The following GPHN variants were observed in gnomAD, a reference collection of about 807,000 sequenced individuals.
GPHN encodes gephyrin.
Under a neutral mutation model 95.5 loss-of-function variants are expected in GPHN, and 17 were observed. That is an observed-to-expected ratio of 0.18 (90% CI 0.12 to 0.27). The LOEUF is 0.27. GPHN is among the 10% of genes least tolerant of loss of function. The pLI, the probability that GPHN is intolerant of heterozygous loss-of-function variation, is 1.00. For missense variants in GPHN, 660 were observed against 978.1 expected, an observed-to-expected ratio of 0.67 and a Z score of 4.34; for synonymous variants, 320 against 322.5, an observed-to-expected ratio of 0.99 and a Z score of 0.08.
chr14:67,549,215 T>C, the GPHN span, among the ~76,000 whole-genome samples: 4 of 152,104 alleles, frequency 2.6e-5, no homozygotes, highest in East Asian at 7.7e-4. Flanking sequence ...AGATGCCTTC[T>C]AGGGCTTTTA....
chr14:66,566,198 A>G (rs926718544), intron 1 of GPHN, among the ~76,000 whole-genome samples: 3 of 151,960 alleles, frequency 2.0e-5, no homozygotes, highest in Admixed American at 2.0e-4. Context: ...TGCCTTGGAG[A>G]ACCTTAAACT....
the GPHN span, chr14:67,412,066 G>T: frequency 6.5e-7 from 1 of 1,544,066 alleles, no homozygotes; most frequent in South Asian, 1.2e-5. Context: ...CCATGTCGCC[G>T]CCCGCACGCC....
intron 5 of GPHN, among the ~76,000 whole-genome samples, chr14:66,895,276 C>G (rs551438976): frequency 2.0e-5 from 3 of 152,274 alleles, no homozygotes; most frequent in South Asian, 4.1e-4. Flanking sequence ...CCAGACACCG[C>G]ATGTTCTCAC....
At chr14:67,712,493 C>CAAAAAAAAAAAAAAA in the GPHN span, among the ~76,000 whole-genome samples, 1 of 38,928 alleles carries the variant, frequency 2.6e-5, no homozygotes, top group Non-Finnish European at 7.5e-5. Flanking sequence ...AAAAAACTTG[C>CAAAAAAAAAAAAAAA]AAAAAAAAAA....
At chr14:67,029,334 T>G (rs1221063341) in intron 10 of GPHN, among the ~76,000 whole-genome samples, 2 of 151,214 alleles carry the variant, frequency 1.3e-5, no homozygotes, top group Non-Finnish European at 3.0e-5. Context: ...GGTATTATCA[T>G]TATTCTTTTT....
At chr14:66,870,090 A>G (rs1381115750) in intron 4 of GPHN, among the ~76,000 whole-genome samples, 1 of 152,236 alleles carries the variant, frequency 6.6e-6, no homozygotes, top group Non-Finnish European at 1.5e-5. Context: ...TTACTACACC[A>G]AACAGCTTAA....
the GPHN span, among the ~76,000 whole-genome samples, chr14:67,522,165 T>G: frequency 1.3e-5 from 2 of 152,014 alleles, no homozygotes; most frequent in Non-Finnish European, 2.9e-5. Flanking sequence ...GGAGTGAGAC[T>G]CCGTCTCAAA....
chr14:67,473,473 C>G, the GPHN span: 2 of 1,614,166 alleles, frequency 1.2e-6, no homozygotes, highest in Non-Finnish European at 8.5e-7. The surrounding 1 kb of genome is among the most constrained non-coding windows in gnomAD (Gnocchi z 6.5). Flanking sequence ...CTGGGCTCCC[C>G]GGGCTCAGCG....
At chr14:67,722,120 C>T in the GPHN span, among the ~76,000 whole-genome samples, 5 of 152,144 alleles carry the variant, frequency 3.3e-5, no homozygotes, top group African/African-American at 7.2e-5. Flanking sequence ...CCAGTCACTG[C>T]CCCCTCCTCC....
At chr14:67,579,746 C>T in the GPHN span, 74 of 1,612,676 alleles carry the variant, frequency 4.6e-5, no homozygotes, top group South Asian at 1.5e-4. Context: ...GGCTCTTCCA[C>T]GGTTGATGAG....
At chr14:67,298,419 G>T in the GPHN span, among the ~76,000 whole-genome samples, 56 of 151,742 alleles carry the variant, frequency 3.7e-4, no homozygotes, top group African/African-American at 1.3e-3. Context: ...GGAGTCTGAG[G>T]CAGGAGAATC....
intron 3 of GPHN, among the ~76,000 whole-genome samples, chr14:66,822,340 A>G (rs2061230370): frequency 6.6e-6 from 1 of 152,140 alleles, no homozygotes; most frequent in Non-Finnish European, 1.5e-5. Context: ...GTCTCCTTAG[A>G]CTAGTAGTTT....
At chr14:66,647,028 C>T (rs1369782331) in intron 1 of GPHN, among the ~76,000 whole-genome samples, 1 of 151,246 alleles carries the variant, frequency 6.6e-6, no homozygotes, top group Non-Finnish European at 1.5e-5. Context: ...TCCCAAGCAA[C>T]TGGGACCACA....
chr14:66,809,973 A>G (rs2060695279), intron 3 of GPHN, among the ~76,000 whole-genome samples: 1 of 152,042 alleles, frequency 6.6e-6, no homozygotes, highest in Non-Finnish European at 1.5e-5. Context: ...GATCTGGTAA[A>G]GCTAAGAGTT....
the GPHN span, chr14:67,312,849 G>C: frequency 3.2e-6 from 2 of 623,108 alleles, no homozygotes; most frequent in Non-Finnish European, 5.1e-6. Context: ...GGGTTTTTAT[G>C]TTGTACCTGC....
chr14:67,106,000 T>C (rs1033883212), intron 13 of GPHN, among the ~76,000 whole-genome samples: 1 of 152,164 alleles, frequency 6.6e-6, no homozygotes, highest in African/African-American at 2.4e-5. Context: ...GTGAGTTTTA[T>C]GCTTGTGTGT....
intron 1 of GPHN, among the ~76,000 whole-genome samples, chr14:66,630,463 A>G (rs2063747891): frequency 6.6e-6 from 1 of 152,150 alleles, no homozygotes; most frequent in African/African-American, 2.4e-5. Flanking sequence ...GCAATTGGTC[A>G]TCAGAATCCT....
At chr14:67,645,586 G>C in the GPHN span, 7 of 1,571,486 alleles carry the variant, frequency 4.5e-6, no homozygotes, top group Admixed American at 3.6e-5. Context: ...GAGGACGTTT[G>C]TTATCGGTCA....
At chr14:67,184,111 C>T (rs2140224542), downstream of GPHN, among the ~76,000 whole-genome samples, 1 of 152,268 alleles carries the variant, frequency 6.6e-6, no homozygotes, top group African/African-American at 2.4e-5. Flanking sequence ...AGGCATGAGC[C>T]ACCACACTCA....
Sources: allele counts gnomAD v4.1 joint callset (sites outside exome capture counted in the v4.1 genomes callset), GRCh38; gene constraint gnomAD v4.1.1; non-coding constraint Gnocchi (gnomAD v3.1); transcripts MANE v1.5; gene names NCBI Gene and HGNC (gene_info 2026-07-23, HGNC 2026-07-21).